Variants in PITPNC1 observed in about 807,000 individuals in gnomAD.
PITPNC1 encodes cytoplasmic phosphatidylinositol transfer protein 1.
A neutral mutation model predicts 44.7 loss-of-function variants in PITPNC1; 18 were observed. That is an observed-to-expected ratio of 0.40 (90% confidence interval 0.28 to 0.60). The LOEUF (loss-of-function observed/expected upper bound fraction) is 0.60. Ranked by LOEUF, PITPNC1 falls within the 20% of genes least tolerant of loss-of-function variation. The pLI is 0.39. For missense variants in PITPNC1, 290 were observed against 418.4 expected (o/e 0.69, Z 2.68); for synonymous variants, 141 against 149.6 (o/e 0.94, Z 0.42).
intron 4 of PITPNC1, among the ~76,000 whole-genome samples, chr17:67,577,140 G>A (rs750237604): frequency 4.6e-5 from 7 of 151,836 alleles, no homozygotes; most frequent in Non-Finnish European, 1.0e-4. Context: ...TTAAAAATCC[G>A]CCAGGCATGG....
In PITPNC1 at chr17:67,427,232, A is replaced by G. The variant is rs548756830; in HGVS notation, c.48+49030A>G. 1.1e-4 allele frequency among the ~76,000 whole-genome samples: 17 copies of G among 152,126 alleles called. No homozygotes were observed. In the South Asian group the frequency reaches 3.5e-3, roughly 32 times the overall value. On this transcript the variant is annotated intron_variant, in intron 1 of 8. Coordinates refer to ENST00000581322, the MANE Select transcript of PITPNC1 (RefSeq NM_012417.4). The stretch of plus-strand genomic sequence containing the variant: ...CTATTTATTTATTTATTTTTTTGAG[A>G]CAGAGTCTCGCTCTGCTGCCCAGGC...
intron 1 of PITPNC1, among the ~76,000 whole-genome samples, chr17:67,418,504 G>A (rs867286697): frequency 1.4e-4 from 21 of 152,186 alleles, no homozygotes; most frequent in South Asian, 1.2e-3. Flanking sequence ...GTGTTGTTGC[G>A]GGGAAGGAAG....
At chr17:67,501,057 T>C (rs2040021591) in intron 1 of PITPNC1, among the ~76,000 whole-genome samples, 1 of 152,180 alleles carries the variant, frequency 6.6e-6, no homozygotes, top group Non-Finnish European at 1.5e-5. Flanking sequence ...TTTAGCTTAT[T>C]TCTGAATGTT....
At chr17:67,502,389 A>G (rs983834641) in intron 1 of PITPNC1, among the ~76,000 whole-genome samples, 2 of 152,048 alleles carry the variant, frequency 1.3e-5, no homozygotes, top group Non-Finnish European at 2.9e-5. Flanking sequence ...GATTTGGTTT[A>G]GATGTATGCA....
intron 6 of PITPNC1, among the ~76,000 whole-genome samples, chr17:67,655,518 C>T (rs1156651277): frequency 1.4e-5 from 2 of 143,544 alleles, no homozygotes. Flanking sequence ...TGAGGTCGCA[C>T]CACTGCACTC....
At chr17:67,413,426 T>TTTCTTTCTTTCTTTCTTTCTTTCTTTCG in intron 1 of PITPNC1, among the ~76,000 whole-genome samples, 1 of 151,858 alleles carries the variant, frequency 6.6e-6, no homozygotes. Flanking sequence ...TCTTTCTTTC[T>TTTCTTTCTTTCTTTCTTTCTTTCTTTCG]TTCTTTTTGG....
At chr17:67,632,716 C>T (rs1248665384) in intron 6 of PITPNC1, among the ~76,000 whole-genome samples, 1 of 151,934 alleles carries the variant, frequency 6.6e-6, no homozygotes, top group Non-Finnish European at 1.5e-5. Flanking sequence ...TACAGGCGCC[C>T]ACCACCATAC....
At chr17:67,540,341 A>T (rs766275354) in intron 2 of PITPNC1, among the ~76,000 whole-genome samples, 9 of 152,046 alleles carry the variant, frequency 5.9e-5, no homozygotes, top group Non-Finnish European at 1.2e-4. Context: ...CTTACCTCAA[A>T]TGATCCTCCC....
intron 2 of PITPNC1, among the ~76,000 whole-genome samples, chr17:67,551,230 G>C (rs2040758751): frequency 6.6e-6 from 1 of 152,152 alleles, no homozygotes; most frequent in Admixed American, 6.6e-5. Flanking sequence ...GTTTGCAAAA[G>C]ACCCTGGGAC....
At chr17:67,380,148 C>T (rs2037936343) in intron 1 of PITPNC1, among the ~76,000 whole-genome samples, 1 of 150,810 alleles carries the variant, frequency 6.6e-6, no homozygotes, top group African/African-American at 2.4e-5. Flanking sequence ...GATCTCGGCT[C>T]ACTGCAACCT....
chr17:67,387,203 C>T (rs2038067735), intron 1 of PITPNC1, among the ~76,000 whole-genome samples: 1 of 152,210 alleles, frequency 6.6e-6, no homozygotes, highest in Admixed American at 6.5e-5. Flanking sequence ...AGTGTGATGG[C>T]CTGCAACTGA....
intron 5 of PITPNC1, among the ~76,000 whole-genome samples, chr17:67,624,214 CTTTTTTTT>C (rs71139163): frequency 7.9e-6 from 1 of 127,120 alleles, no homozygotes; most frequent in Non-Finnish European, 1.6e-5. Context: ...TCTTTCTTTT[CTTTTTTTT>C]TTTTTTTTCC....
chr17:67,458,393 G>T (rs916860202), intron 1 of PITPNC1, among the ~76,000 whole-genome samples: 12 of 151,964 alleles, frequency 7.9e-5, no homozygotes, highest in Non-Finnish European at 1.8e-4. Flanking sequence ...AATGCTCTTT[G>T]GGTAATTTCC....
chr17:67,660,443 T>C (rs1294766553), intron 6 of PITPNC1, among the ~76,000 whole-genome samples: 1 of 152,184 alleles, frequency 6.6e-6, no homozygotes, highest in African/African-American at 2.4e-5. Context: ...ATGGCTAACA[T>C]CAATTGAGCA....
Position 67,506,020 on chromosome 17 carries a change from C to G in PITPNC1, c.49-26782C>G, listed in dbSNP as rs530393711. On this transcript the variant is annotated intron_variant, in intron 1 of 8. Coordinates refer to ENST00000581322, the MANE Select transcript of PITPNC1 (RefSeq NM_012417.4). Reference sequence around the variant, plus strand: ...TGTTGATCCTCCATTGTTACTCCACCCTTTCCTGCCCTCCTGGGCACTGGG... The same window carrying G: ...TGTTGATCCTCCATTGTTACTCCACGCTTTCCTGCCCTCCTGGGCACTGGG... 1.1e-4 allele frequency among the ~76,000 whole-genome samples: 17 copies of G among 152,248 alleles called. No individual in the cohort carries two copies. In the South Asian group the frequency reaches 1.7e-3, roughly 15 times the overall value.
intron 1 of PITPNC1, among the ~76,000 whole-genome samples, chr17:67,462,855 G>A (rs1222005901): frequency 6.6e-6 from 1 of 152,102 alleles, no homozygotes; most frequent in Non-Finnish European, 1.5e-5. Flanking sequence ...GGCATGGGCC[G>A]CTACGCCCGG....
intron 6 of PITPNC1, among the ~76,000 whole-genome samples, chr17:67,654,727 G>T (rs1269753249): frequency 1.3e-5 from 2 of 152,128 alleles, no homozygotes; most frequent in Non-Finnish European, 2.9e-5. Context: ...CCACCTCCTG[G>T]GTTCAAGTGA....
intron 1 of PITPNC1, among the ~76,000 whole-genome samples, chr17:67,504,088 G>T (rs1349095140): frequency 6.6e-6 from 1 of 152,140 alleles, no homozygotes; most frequent in Non-Finnish European, 1.5e-5. Context: ...GAAATGAGGG[G>T]TGTGGAGGAA....
chr17:67,445,754 T>C (rs1274579074), intron 1 of PITPNC1, among the ~76,000 whole-genome samples: 2 of 152,044 alleles, frequency 1.3e-5, no homozygotes, highest in Admixed American at 1.3e-4. Flanking sequence ...CGAAACTTTG[T>C]TATTCATGGG....
Sources: allele counts gnomAD v4.1 joint callset (sites outside exome capture counted in the v4.1 genomes callset), GRCh38; gene constraint gnomAD v4.1.1; transcripts MANE v1.5; gene names NCBI Gene and HGNC (gene_info 2026-07-23, HGNC 2026-07-21).